ZNF334: variants seen among roughly 807,000 people sequenced by gnomAD.
ZNF334 encodes zinc finger protein 334.
Under a neutral mutation model 12.4 loss-of-function variants are expected in ZNF334, and 14 were observed. The observed-to-expected ratio is 1.13, with a 90% CI of 0.74 to 1.76. The LOEUF is 1.76. Among genes scored for constraint, ZNF334 ranks in the 40% most tolerant of loss-of-function variants. The pLI, the probability that ZNF334 is intolerant of heterozygous loss-of-function variation, is 0.00. For missense variants in ZNF334, 797 were observed against 804.5 expected (o/e 0.99, Z 0.11); for synonymous variants, 273 against 269.6 (o/e 1.01, Z -0.12).
the ZNF334 span, among the ~76,000 whole-genome samples, chr20:46,483,941 C>T: frequency 6.6e-6 from 1 of 152,096 alleles, no homozygotes; most frequent in East Asian, 1.9e-4. Context: ...TGACATGGTT[C>T]TAGTATTACT....
At chr20:46,466,142 A>G in the ZNF334 span, among the ~76,000 whole-genome samples, 1 of 152,134 alleles carries the variant, frequency 6.6e-6, no homozygotes, top group East Asian at 1.9e-4. Flanking sequence ...GAGATAATAT[A>G]AAAAAATTTT....
chr20:46,469,915 T>C, the ZNF334 span, among the ~76,000 whole-genome samples: 1 of 152,020 alleles, frequency 6.6e-6, no homozygotes, highest in African/African-American at 2.4e-5. Context: ...TTAACCATAT[T>C]ATGAATGGGT....
chr20:46,494,181 T>TAGATTTGA, the ZNF334 span, among the ~76,000 whole-genome samples: 1 of 152,232 alleles, frequency 6.6e-6, no homozygotes, highest in Admixed American at 6.5e-5. Flanking sequence ...ATTTGAGCCT[T>TAGATTTGA]GTATAGAAGT....
chr20:46,469,423 C>T, the ZNF334 span, among the ~76,000 whole-genome samples: 55 of 149,600 alleles, frequency 3.7e-4, no homozygotes, highest in Non-Finnish European at 5.9e-4. Context: ...GGCTGGAGTG[C>T]GGTGGAGTGA....
chr20:46,464,721 G>C, the ZNF334 span: 1 of 470,478 alleles, frequency 2.1e-6, no homozygotes, highest in East Asian at 5.2e-5. Flanking sequence ...CTCTTTCTCT[G>C]ATTCTCCCTT....
intron 2 of ZNF334, chr20:46,509,832 C>T (rs1302805311): frequency 3.3e-6 from 2 of 609,884 alleles, no homozygotes; most frequent in Non-Finnish European, 5.9e-6. Context: ...GGAAGGTTTG[C>T]ATCCCAATAT....
intron 4 of ZNF334, 71 bp downstream of exon 4, chr20:46,504,143 A>C: frequency 1.9e-6 from 2 of 1,065,334 alleles, no homozygotes; most frequent in Non-Finnish European, 2.7e-6. Flanking sequence ...TTACGATGCC[A>C]ACTATTACCA....
At position 46,499,960 on chromosome 20, in the gene ZNF334, C is replaced by G. The variant is rs981387991; in HGVS notation, c.*1336G>C. 3.3e-5 allele frequency: 5 copies of G among 152,066 alleles called. No homozygotes were observed. Among genetic ancestry groups the G allele is most frequent in the African/African-American group, 7.2e-5 (3 of 41,414 alleles). 9.4% of individuals were successfully genotyped at this position (152,066 alleles called of 1,614,324 possible). The stretch of plus-strand genomic sequence containing the variant: ...AAACGATAAAAAATTAAGTAGCAGA[C>G]AGGGGGCAGGATGAAACTTTTATTA... On this transcript the variant is annotated 3_prime_UTR_variant, in exon 5 of 5. Coordinates refer to ENST00000692313, the MANE Select transcript of ZNF334 (RefSeq NM_001353824.2).
chr20:46,464,033 C>T, the ZNF334 span: 1 of 635,646 alleles, frequency 1.6e-6, no homozygotes, highest in East Asian at 3.8e-5. Context: ...ACCTCTTCTT[C>T]ATTGTTGTCA....
intron 3 of ZNF334, 66 bp downstream of exon 3, chr20:46,504,548 C>G: frequency 6.6e-7 from 1 of 1,518,552 alleles, no homozygotes; most frequent in Non-Finnish European, 8.8e-7. Context: ...TTCTAGAAAT[C>G]AACATGTTTT....
At chr20:46,506,560 G>A in intron 2 of ZNF334, 1 of 383,950 alleles carries the variant, frequency 2.6e-6, no homozygotes, top group Non-Finnish European at 4.6e-6. Flanking sequence ...AGGTTGCAGT[G>A]AGCTCAGATT....
At position 46,500,272 on chromosome 20, in the gene ZNF334, C is replaced by G. The variant is rs1188059603; in HGVS notation, c.*1024G>C. 6.6e-6 allele frequency: 1 copy of G among 152,140 alleles called. No homozygotes were observed. The highest frequency in any genetic ancestry group is 2.4e-5 in the African/African-American group (1 of 41,442). The allele number at this position is 152,140 out of a possible 1,614,324, so 9.4% of individuals were successfully genotyped here. ...TAGGGAAAATCCCACTCATGGAAAT[C>G]AGAACTTGAAAGGTAAACATTTCCC... On this transcript the variant is annotated 3_prime_UTR_variant, in exon 5 of 5. Transcript: ENST00000692313.
At chr20:46,470,237 A>G in the ZNF334 span, among the ~76,000 whole-genome samples, 1 of 152,258 alleles carries the variant, frequency 6.6e-6, no homozygotes, top group South Asian at 2.1e-4. Context: ...CTGGCTGCCA[A>G]TTCCCTCCCA....
chr20:46,493,327 A>T, the ZNF334 span, among the ~76,000 whole-genome samples: 1 of 152,240 alleles, frequency 6.6e-6, no homozygotes, highest in African/African-American at 2.4e-5. Context: ...AGGAAAACAA[A>T]AGCCATCTCT....
At chr20:46,495,629 A>G (rs762723709), downstream of ZNF334, among the ~76,000 whole-genome samples, 11 of 152,166 alleles carry the variant, frequency 7.2e-5, no homozygotes, top group Non-Finnish European at 1.0e-4. Flanking sequence ...ATCATGGGGT[A>G]TAAGAGTATT....
the ZNF334 span, among the ~76,000 whole-genome samples, chr20:46,494,431 G>A: frequency 3.5e-3 from 531 of 152,232 alleles, 7 homozygotes; most frequent in African/African-American, 0.012. Context: ...TGAGGCATCA[G>A]TACGTTTATA....
the ZNF334 span, among the ~76,000 whole-genome samples, chr20:46,474,096 C>T: frequency 1.3e-5 from 2 of 152,118 alleles, no homozygotes; most frequent in Admixed American, 6.5e-5. Context: ...GAGTCAAGGC[C>T]GGGCGCTGTG....
At chr20:46,465,849 G>C in the ZNF334 span, among the ~76,000 whole-genome samples, 1 of 152,264 alleles carries the variant, frequency 6.6e-6, no homozygotes, top group Middle Eastern at 3.4e-3. Flanking sequence ...CAGCTACTCA[G>C]GAACCTGAGG....
At chr20:46,506,385 A>G (rs1363301809) in intron 2 of ZNF334, 1 of 556,336 alleles carries the variant, frequency 1.8e-6, no homozygotes, top group Non-Finnish European at 3.2e-6. Context: ...CAGCACTCTG[A>G]GAGGTTGAGG....
Sources: allele counts gnomAD v4.1 joint callset (sites outside exome capture counted in the v4.1 genomes callset), GRCh38; gene constraint gnomAD v4.1.1; transcripts MANE v1.5; gene names NCBI Gene and HGNC (gene_info 2026-07-23, HGNC 2026-07-21).